CELSR3: variants seen among roughly 807,000 people sequenced by gnomAD.
CELSR3 encodes cadherin EGF LAG seven-pass G-type receptor 3.
CELSR3 carries 73 observed loss-of-function variants against 270.0 expected under a neutral mutation model. The ratio of observed to expected loss-of-function variants is 0.27; its 90% CI spans 0.22 to 0.33. The LOEUF (loss-of-function observed/expected upper bound fraction) is 0.33, where lower values mean the gene tolerates loss of function less well. CELSR3 is among the 10% of genes least tolerant of loss of function. CELSR3 has a pLI of 1.00. For missense variants in CELSR3, 3,614 were observed against 4,533.8 expected, an observed-to-expected ratio of 0.80 and a Z score of 5.83; for synonymous variants, 1,780 against 1,905.4, an observed-to-expected ratio of 0.93 and a Z score of 1.71.
Position 48,642,552 on chromosome 3 carries a change from G to C in CELSR3, c.8556-85C>G. 1.4e-6 allele frequency: 2 copies of C among 1,465,490 alleles called. No individual in the cohort carries two copies. The highest frequency in any genetic ancestry group is 1.3e-5 in the South Asian group (1 of 78,188). The allele number at this position is 1,465,490 out of a possible 1,614,324, so 90.8% of individuals were successfully genotyped here. A position where few individuals can be genotyped will look rare whatever the true frequency, so the allele number is the denominator to read the frequency against. On this transcript the variant is annotated intron_variant, in intron 30 of 34. Coordinates refer to ENST00000164024, the MANE Select transcript of CELSR3 (RefSeq NM_001407.3). This position sits in a 1 kb window ranked among gnomAD's most constrained non-coding sequence, Gnocchi z 6.1. ...TGGAGTGTCTTTGAGTGCACAGCCA[G>C]CTGCGGGTGGAATGGCATCCCTGGG...
chr3:48,638,872 C>T lies in CELSR3; in HGVS notation c.9912-640G>A, dbSNP rs78824337. ...TGGGTCCTGCTCAGTTCTGTCGATC[C>T]CCTGCCCCACCCCTAGGGCCCCCTT... On this transcript the variant is annotated intron_variant, in intron 34 of 34. Coordinates refer to ENST00000164024, the MANE Select transcript of CELSR3 (RefSeq NM_001407.3). Among the ~76,000 whole-genome samples the T allele has an allele frequency of 2.0e-5, 3 of 151,824 alleles. 1 individual carries two copies. In the East Asian group the frequency reaches 5.8e-4, roughly 29 times the overall value.
At position 48,643,639 on chromosome 3, in the gene CELSR3, C is replaced by T; in HGVS notation, c.8204G>A (p.Ser2735Asn). ...CAGGAGCCCAAAGAGCCAGGAGGCACTGACCAGCAGAAGCAGCAGGAAGGA... is the reference window on the plus strand; with the variant it reads ...CAGGAGCCCAAAGAGCCAGGAGGCATTGACCAGCAGAAGCAGCAGGAAGGA... ...RSSFLLLLLV[S>N]ASWLFGLLAV... The change falls in exon 28 of 35, where the codon AGT becomes AAT. Residue 2735 changes from serine (S) to asparagine (N), a missense_variant. Around this residue, in one of 7 missense-constraint regions of CELSR3, gnomAD observed 1,240 missense variants for 1,351.7 expected, o/e 0.92. Transcript: ENST00000164024. The T allele has an allele frequency of 6.4e-7, 1 of 1,551,788 alleles. No individual in the cohort carries two copies. The highest frequency in any genetic ancestry group is 8.7e-7 in the Non-Finnish European group (1 of 1,147,288).
At position 48,662,147 on chromosome 3, in the gene CELSR3, G is replaced by T; in HGVS notation, c.488C>A (p.Pro163Gln). 6.2e-7 allele frequency: 1 copy of T among 1,612,912 alleles called. No homozygotes were observed. Among genetic ancestry groups the T allele is most frequent in the South Asian group, 1.1e-5 (1 of 90,982 alleles). The change falls in exon 1 of 35, where the codon CCG becomes CAG. Residue 163 changes from proline (P) to glutamine (Q), a missense_variant. Around this residue, in one of 7 missense-constraint regions of CELSR3, gnomAD observed 470 missense variants for 469.7 expected, o/e 1.00. Transcript: ENST00000164024. The surrounding 1 kb of genome is among the most constrained non-coding windows in gnomAD (Gnocchi z 7.1). ...GAGGGGCGAGCTGTTCCCCGAGCCC[G>T]GGACCCCTGAGGACAGAGCCCCTGG... ...LSPGALSSGV[P>Q]GSGNSSPLPS...
Position 48,645,984 on chromosome 3 carries a change from C to T in CELSR3, c.7463+106G>A, listed in dbSNP as rs1311198124. On this transcript the variant is annotated intron_variant, in intron 22 of 34. Transcript: ENST00000164024. The surrounding 1 kb of genome is among the most constrained non-coding windows in gnomAD (Gnocchi z 5.4). ...TTGGGGTACAGCATTCCTCATGGTC[C>T]GGGTTGCACAACAGCACTAGTGGGG... 21 of 1,572,962 alleles carry T rather than the reference C, an allele frequency of 1.3e-5. No individual in the cohort carries two copies. The highest frequency in any genetic ancestry group is 1.8e-5 in the Admixed American group (1 of 56,950).
In CELSR3 at chr3:48,645,916, G is replaced by A. The variant is rs2047078916; in HGVS notation, c.7464-48C>T. ...CACAACTGTGACCCAGTGTCAGGCA[G>A]GGGTTTGTGAGAGATCATGGGAAGG... On this transcript the variant is annotated intron_variant, in intron 22 of 34. Coordinates refer to ENST00000164024, the MANE Select transcript of CELSR3 (RefSeq NM_001407.3). The surrounding 1 kb of genome is among the most constrained non-coding windows in gnomAD (Gnocchi z 5.4). 6.3e-7 allele frequency: 1 copy of A among 1,580,204 alleles called. No homozygotes were observed. The highest frequency in any genetic ancestry group is 1.3e-5 in the African/African-American group (1 of 74,450).
Position 48,646,087 on chromosome 3 carries a change from C to T in CELSR3, c.7463+3G>A. ...CAAGGGTTTCCAGAATGGGGGTCCT[C>T]ACAGGCCAGGTGGGTCCCACTGCAC... is the stretch of plus-strand genomic sequence containing the variant. On this transcript the variant is annotated splice_donor_region_variant and intron_variant, in intron 22 of 34. Coordinates refer to ENST00000164024, the MANE Select transcript of CELSR3 (RefSeq NM_001407.3). The surrounding 1 kb of genome is among the most constrained non-coding windows in gnomAD (Gnocchi z 4.8). 2 of 1,612,348 alleles carry T rather than the reference C, an allele frequency of 1.2e-6. No individual in the cohort carries two copies. Among genetic ancestry groups the T allele is most frequent in the East Asian group, 2.2e-5 (1 of 44,872 alleles).
rs1173633883 is a variant in CELSR3, at chr3:48,655,575, G to A, written c.4741+161C>T. On this transcript the variant is annotated intron_variant, in intron 4 of 34. Transcript: ENST00000164024. This position sits in a 1 kb window ranked among gnomAD's most constrained non-coding sequence, Gnocchi z 5.8. ...ACAGGAGAAACAGACTTCTTGGAGG[G>A]AGGGACCTTCCCACAGGGAATGGCC... Among the ~76,000 whole-genome samples the A allele has an allele frequency of 2.6e-5, 4 of 152,200 alleles. No individual in the cohort carries two copies. The East Asian group carries it at 7.7e-4, about 29-fold the overall frequency.
rs1031648997 is a variant in CELSR3 at position 48,645,509 on chromosome 3, A to G, written c.7731T>C (p.Asn2577=). ...CTGCCACCCCCAGGGCGGCTGCCAC[A>G]TTGGCATGGATCCCACGCACATTGG... is the stretch of plus-strand genomic sequence containing the variant. ...LKSNVRGIHA[N]VAAALGVAEL... The change falls in exon 24 of 35, where the codon AAT becomes AAC. Residue 2577 remains asparagine, a synonymous_variant. Coordinates refer to ENST00000164024, the MANE Select transcript of CELSR3 (RefSeq NM_001407.3). The surrounding 1 kb of genome is among the most constrained non-coding windows in gnomAD (Gnocchi z 5.4). 2 of 1,612,790 alleles carry G rather than the reference A, an allele frequency of 1.2e-6. No homozygotes were observed. Among genetic ancestry groups the G allele is most frequent in the South Asian group, 1.1e-5 (1 of 91,086 alleles).
chr3:48,640,487 C>T lies in CELSR3; in HGVS notation c.9098G>A (p.Arg3033His), dbSNP rs201004738. 366 of 1,611,936 alleles carry T rather than the reference C, an allele frequency of 2.3e-4. No individual in the cohort carries two copies. The highest frequency in any genetic ancestry group is 4.0e-4 in the Admixed American group (24 of 59,982). Residue 3033 changes from arginine to histidine, a missense_variant, in exon 34 of 35, where the codon CGT (arginine) becomes CAT (histidine). Transcript: ENST00000164024. This position sits in a 1 kb window ranked among gnomAD's most constrained non-coding sequence, Gnocchi z 7.5. ...TRGAPELSWC[R>H]AATLGHRAVP... Reference sequence around the variant, plus strand: ...AGCACGGTGGCCCAAGGTGGCTGCACGGCACCAGGACAGCTCAGGGGCACC... The same window carrying T: ...AGCACGGTGGCCCAAGGTGGCTGCATGGCACCAGGACAGCTCAGGGGCACC...
At chr3:48,656,617 T>C (rs2077024136) in intron 2 of CELSR3, 81 bp downstream of exon 2, 2 of 1,420,126 alleles carry the variant, frequency 1.4e-6, no homozygotes, top group Admixed American at 5.8e-5. Flanking sequence ...CAGAAGTGAC[T>C]CCCAGTACTC....
intron 34 of CELSR3, 149 bp from the exon 35 acceptor site, chr3:48,638,381 C>T: frequency 3.0e-6 from 2 of 663,578 alleles, no homozygotes; most frequent in Admixed American, 4.3e-5. Context: ...ATGCCCACTC[C>T]AGGGTTCTCA....
rs368163979 is a variant in CELSR3 at position 48,640,355 on chromosome 3, C to T, written c.9230G>A (p.Arg3077Gln). The T allele has an allele frequency of 6.9e-5, 112 of 1,612,492 alleles. 1 individual carries two copies. Among genetic ancestry groups the T allele is most frequent in the East Asian group, 5.3e-4 (24 of 44,878 alleles). The change falls in exon 34 of 35, where the codon CGG becomes CAG. Residue 3077 changes from arginine (R) to glutamine (Q), a missense_variant. Arg to Gln is a conservative substitution (Grantham distance 43). Coordinates refer to ENST00000164024, the MANE Select transcript of CELSR3 (RefSeq NM_001407.3). This position sits in a 1 kb window ranked among gnomAD's most constrained non-coding sequence, Gnocchi z 7.5. ...TAGTCGCTCACGGCTCAGTTGCCGC[C>T]GGAGGAGCAGGTCCAGCTGTTCTCT... ...SSREQLDLLLRRQLSRERLEE... is the reference protein window; with the variant it reads ...SSREQLDLLLQRQLSRERLEE...
Position 48,660,819 on chromosome 3 carries a change from C to T in CELSR3, c.1816G>A (p.Ala606Thr), listed in dbSNP as rs761203952. 7 of 1,614,084 alleles carry T rather than the reference C, an allele frequency of 4.3e-6. No individual in the cohort carries two copies. The South Asian group carries it at 6.6e-5, about 15-fold the overall frequency. Residue 606 changes from alanine (A) to threonine (T), a missense_variant, in exon 1 of 35, where the codon GCA becomes ACA. Physicochemically the swap from Ala to Thr is moderately conservative, Grantham distance 58. Coordinates refer to ENST00000164024, the MANE Select transcript of CELSR3 (RefSeq NM_001407.3). This position sits in a 1 kb window ranked among gnomAD's most constrained non-coding sequence, Gnocchi z 5.5. ...DSLTGEIQVV[A>T]PLDFEAEREY... is the part of the protein sequence containing the mutation. The stretch of plus-strand genomic sequence containing the variant: ...CTCTCTGCCTCGAAGTCCAGAGGTG[C>T]CACCACCTGGATCTCGCCAGTGAGG...
At position 48,641,675 on chromosome 3, in the gene CELSR3, AC is replaced by A. The variant is rs1223932308; in HGVS notation, c.8825-152del. 4.9e-6 allele frequency: 4 copies of A among 812,810 alleles called. No homozygotes were observed. Among genetic ancestry groups the A allele is most frequent in the Non-Finnish European group, 7.6e-6 (4 of 526,688 alleles). 50.3% of individuals were successfully genotyped at this position (812,810 alleles called of 1,614,324 possible). On this transcript the variant is annotated intron_variant, in intron 32 of 34. Coordinates refer to ENST00000164024, the MANE Select transcript of CELSR3 (RefSeq NM_001407.3). The surrounding 1 kb of genome is among the most constrained non-coding windows in gnomAD (Gnocchi z 4.8). ...CCTCAGAGATCAATGGGTGGGGGTG[AC>A]TGGTGAGCTCCCTCCCCTTAACTGG...
rs565561790 is a variant in CELSR3 at position 48,652,203 on chromosome 3, C to A, written c.5752-155G>T. Among the ~76,000 whole-genome samples, 1 of 152,286 alleles carries A rather than the reference C, an allele frequency of 6.6e-6. No individual in the cohort carries two copies. The highest frequency in any genetic ancestry group is 6.5e-5 in the Admixed American group (1 of 15,306). On this transcript the variant is annotated intron_variant, in intron 11 of 34. Coordinates refer to ENST00000164024, the MANE Select transcript of CELSR3 (RefSeq NM_001407.3). The surrounding 1 kb of genome is among the most constrained non-coding windows in gnomAD (Gnocchi z 4.3). ...TCAAAAATATCCCCAATTTGGTACC[C>A]CTGTGGGACCCTAATTGTGCTGTTT...
At position 48,650,412 on chromosome 3, in the gene CELSR3, T is replaced by C. The variant is rs1039054214; in HGVS notation, c.6472+68A>G. On this transcript the variant is annotated intron_variant, in intron 16 of 34. Coordinates refer to ENST00000164024, the MANE Select transcript of CELSR3 (RefSeq NM_001407.3). The surrounding 1 kb of genome is among the most constrained non-coding windows in gnomAD (Gnocchi z 5.1). Reference sequence around the variant, plus strand: ...AAGCCACCCAATTTAGGAAAAGACATGGCTCTAGCAGTCAGAGTACAGGCC... The same window carrying C: ...AAGCCACCCAATTTAGGAAAAGACACGGCTCTAGCAGTCAGAGTACAGGCC... 2.4e-6 allele frequency: 3 copies of C among 1,233,652 alleles called. No homozygotes were observed. Among genetic ancestry groups the C allele is most frequent in the South Asian group, 1.3e-5 (1 of 78,310 alleles). The allele number at this position is 1,233,652 out of a possible 1,614,324, so 76.4% of individuals were successfully genotyped here.
Position 48,641,802 on chromosome 3 carries a change from C to T in CELSR3, c.8824+49G>A, listed in dbSNP as rs1161744171. On this transcript the variant is annotated intron_variant, in intron 32 of 34. Transcript: ENST00000164024. The surrounding 1 kb of genome is among the most constrained non-coding windows in gnomAD (Gnocchi z 4.8). ...GAAAGATGGGGAGCTGGAGGGATAACAAATGGGGCATCCCTTGGTCACCCA... is the reference window on the plus strand; with the variant it reads ...GAAAGATGGGGAGCTGGAGGGATAATAAATGGGGCATCCCTTGGTCACCCA... 7.0e-7 allele frequency: 1 copy of T among 1,421,194 alleles called. No homozygotes were observed. The highest frequency in any genetic ancestry group is 2.5e-4 in the Middle Eastern group (1 of 4,028). The allele number at this position is 1,421,194 out of a possible 1,614,324, so 88.0% of individuals were successfully genotyped here. A position where few individuals can be genotyped will look rare whatever the true frequency, so the allele number is the denominator to read the frequency against.
chr3:48,659,936 T>C lies in CELSR3; in HGVS notation c.2699A>G (p.Asn900Ser). 6.2e-7 allele frequency: 1 copy of C among 1,614,094 alleles called. No individual in the cohort carries two copies. The highest frequency in any genetic ancestry group is 8.5e-7 in the Non-Finnish European group (1 of 1,180,020). The change falls in exon 1 of 35, where the codon AAC becomes AGC. Residue 900 changes from asparagine to serine, a missense_variant. Around this residue, in one of 7 missense-constraint regions of CELSR3, gnomAD observed 1,331 missense variants for 1,933.7 expected, o/e 0.69. Coordinates refer to ENST00000164024, the MANE Select transcript of CELSR3 (RefSeq NM_001407.3). The surrounding 1 kb of genome is among the most constrained non-coding windows in gnomAD (Gnocchi z 8.1). ...NARITYLLED[N>S]LPQFRIDADS... ...TGCATCAATGCGGAACTGGGGCAGG[T>C]TGTCCTCCAGGAGATAGGTGATACG...
Position 48,651,776 on chromosome 3 carries a change from C to T in CELSR3, c.5924-58G>A, listed in dbSNP as rs774076046. The T allele has an allele frequency of 1.1e-5, 17 of 1,535,168 alleles. No homozygotes were observed. The highest frequency in any genetic ancestry group is 1.5e-5 in the Non-Finnish European group (17 of 1,143,728). On this transcript the variant is annotated intron_variant, in intron 12 of 34. Coordinates refer to ENST00000164024, the MANE Select transcript of CELSR3 (RefSeq NM_001407.3). The surrounding 1 kb of genome is among the most constrained non-coding windows in gnomAD (Gnocchi z 7.4). ...GTCGCAGAGCATGGAAGGAAGCAGG[C>T]ACCCGTCCCGAGTCCCTGCCTCCTT... is the stretch of plus-strand genomic sequence containing the variant.
Sources: allele counts gnomAD v4.1 joint callset (sites outside exome capture counted in the v4.1 genomes callset), GRCh38; gene constraint gnomAD v4.1.1; regional missense constraint gnomAD v4.1.1; non-coding constraint Gnocchi (gnomAD v3.1); transcripts MANE v1.5; gene names NCBI Gene and HGNC (gene_info 2026-07-23, HGNC 2026-07-21).